KCNIP4: variants seen among roughly 807,000 people sequenced by gnomAD.
KCNIP4 encodes Kv channel-interacting protein 4.
A neutral mutation model predicts 34.0 loss-of-function variants in KCNIP4; 12 were observed. That is an observed-to-expected ratio of 0.35 (90% CI 0.23 to 0.57). The LOEUF is 0.57. Ranked by LOEUF, KCNIP4 falls within the 20% of genes least tolerant of loss-of-function variation. KCNIP4 has a pLI of 0.83. For synonymous variants in KCNIP4, 124 were observed against 102.2 expected, an observed-to-expected ratio of 1.21 and a Z score of -1.29; for missense variants, 238 against 311.7, an observed-to-expected ratio of 0.76 and a Z score of 1.78.
At chr4:21,088,950 A>G (rs766875707) in intron 1 of KCNIP4, among the ~76,000 whole-genome samples, 7 of 152,212 alleles carry the variant, frequency 4.6e-5, no homozygotes, top group Non-Finnish European at 1.0e-4. Flanking sequence ...TAGAAGCAAA[A>G]AACTTTTGTG....
At chr4:21,897,290 GT>G (rs1727449305) in intron 1 of KCNIP4, among the ~76,000 whole-genome samples, 1 of 151,988 alleles carries the variant, frequency 6.6e-6, no homozygotes, top group African/African-American at 2.4e-5. Context: ...TATTTCAGAA[GT>G]TCTAATAAGA....
chr4:21,692,607 G>A (rs1364440526), intron 1 of KCNIP4, among the ~76,000 whole-genome samples: 1 of 152,060 alleles, frequency 6.6e-6, no homozygotes, highest in Non-Finnish European at 1.5e-5. Context: ...GTGTAACATG[G>A]TGGTATTTTA....
intron 1 of KCNIP4, among the ~76,000 whole-genome samples, chr4:21,264,614 T>C (rs1200633412): frequency 1.3e-5 from 2 of 152,206 alleles, no homozygotes; most frequent in African/African-American, 2.4e-5. Context: ...TTAAATGACT[T>C]AATGTTTATA....
intron 2 of KCNIP4, among the ~76,000 whole-genome samples, chr4:20,874,322 G>A (rs570846917): frequency 1.2e-3 from 187 of 152,150 alleles, no homozygotes; most frequent in Non-Finnish European, 2.4e-3. Flanking sequence ...CTCTAGTTTT[G>A]CCTCTCACAG....
intron 1 of KCNIP4, among the ~76,000 whole-genome samples, chr4:21,707,661 A>G (rs1379563957): frequency 6.6e-6 from 1 of 152,058 alleles, no homozygotes; most frequent in East Asian, 1.9e-4. Flanking sequence ...TGAGAGTCAG[A>G]GACAGATGTT....
At position 21,851,857 on chromosome 4, in the gene KCNIP4, A is replaced by G. The variant is rs138971166; in HGVS notation, c.61+96714T>C. The G allele has an allele frequency of 3.3e-5, 5 of 152,290 alleles. No individual in the cohort carries two copies. In the East Asian group the frequency reaches 7.7e-4, roughly 24 times the overall value. 9.4% of individuals were successfully genotyped at this position (152,290 alleles called of 1,614,324 possible). A position where few individuals can be genotyped will look rare whatever the true frequency, so the allele number is the denominator to read the frequency against. On this transcript the variant is annotated intron_variant, in intron 1 of 8. Transcript: ENST00000382152. ...AAACACTGGCCAGGGGAGACTCTCA[A>G]GATACTGGAACCCTCGTCTCAGTTC... is the stretch of plus-strand genomic sequence containing the variant.
chr4:21,875,166 C>T (rs1009684461), intron 1 of KCNIP4, among the ~76,000 whole-genome samples: 1 of 152,114 alleles, frequency 6.6e-6, no homozygotes, highest in African/African-American at 2.4e-5. Context: ...GGTCACAGAG[C>T]TAGTCAGTAG....
intron 1 of KCNIP4, among the ~76,000 whole-genome samples, chr4:21,426,738 C>T (rs920238870): frequency 1.3e-4 from 19 of 151,328 alleles, no homozygotes; most frequent in Admixed American, 1.1e-3. Flanking sequence ...AGCCAGGTCA[C>T]GTTTTAAGCA....
chr4:20,815,169 A>G (rs894833748), intron 3 of KCNIP4, among the ~76,000 whole-genome samples: 1 of 152,204 alleles, frequency 6.6e-6, no homozygotes, highest in African/African-American at 2.4e-5. Context: ...CTGATAATTG[A>G]TCCTCAAAAT....
intron 1 of KCNIP4, among the ~76,000 whole-genome samples, chr4:21,187,591 T>C (rs994828990): frequency 1.3e-5 from 2 of 152,194 alleles, no homozygotes; most frequent in African/African-American, 4.8e-5. Context: ...ATTACTTGAA[T>C]GGGCAGAGGA....
chr4:21,693,537 T>C (rs925803750), intron 1 of KCNIP4, among the ~76,000 whole-genome samples: 1 of 152,124 alleles, frequency 6.6e-6, no homozygotes, highest in African/African-American at 2.4e-5. Flanking sequence ...CACTCCAGCC[T>C]GGGTGATAGA....
At chr4:21,349,772 T>C (rs1395483257) in intron 1 of KCNIP4, among the ~76,000 whole-genome samples, 1 of 152,032 alleles carries the variant, frequency 6.6e-6, no homozygotes, top group Non-Finnish European at 1.5e-5. Flanking sequence ...GAGCAACAAA[T>C]TGCAATGGAA....
chr4:21,370,852 C>T (rs71613272), intron 1 of KCNIP4, among the ~76,000 whole-genome samples: 794 of 23,204 alleles, frequency 0.034, 11 homozygotes, highest in Non-Finnish European at 0.048. Flanking sequence ...TATATATATA[C>T]ACACACACAC....
At chr4:20,748,944 A>T (rs923433261) in intron 5 of KCNIP4, among the ~76,000 whole-genome samples, 1 of 150,792 alleles carries the variant, frequency 6.6e-6, no homozygotes, top group Non-Finnish European at 1.5e-5. Flanking sequence ...CTATGTAAAT[A>T]TCTAGGACAT....
At chr4:21,247,767 A>G (rs1259388148) in intron 1 of KCNIP4, among the ~76,000 whole-genome samples, 1 of 62,182 alleles carries the variant, frequency 1.6e-5, no homozygotes, top group East Asian at 3.3e-4. Flanking sequence ...TATACACCCC[A>G]CAGGTGTTTT....
intron 1 of KCNIP4, among the ~76,000 whole-genome samples, chr4:20,916,985 TTATA>T (rs1157104290): frequency 2.2e-4 from 9 of 41,370 alleles, no homozygotes; most frequent in South Asian, 2.8e-3. Flanking sequence ...CATCTTATGT[TTATA>T]TATATATATA....
At chr4:21,359,663 C>T (rs1166085145) in intron 1 of KCNIP4, among the ~76,000 whole-genome samples, 1 of 152,060 alleles carries the variant, frequency 6.6e-6, no homozygotes, top group Non-Finnish European at 1.5e-5. Flanking sequence ...TTCTCTTAAA[C>T]TCATCTTTGA....
chr4:21,431,550 G>C (rs1359027419), intron 1 of KCNIP4, among the ~76,000 whole-genome samples: 3 of 152,018 alleles, frequency 2.0e-5, no homozygotes, highest in South Asian at 2.1e-4. Context: ...ATGTAGAACT[G>C]GTCTCCAAAG....
At chr4:21,582,297 C>A (rs1446598996) in intron 1 of KCNIP4, 1 of 151,834 alleles carries the variant, frequency 6.6e-6, no homozygotes, top group Non-Finnish European at 1.5e-5. Flanking sequence ...TAGCCACTGA[C>A]CCTGGTCACT....
Sources: allele counts gnomAD v4.1 joint callset (sites outside exome capture counted in the v4.1 genomes callset), GRCh38; gene constraint gnomAD v4.1.1; transcripts MANE v1.5; gene names NCBI Gene and HGNC (gene_info 2026-07-23, HGNC 2026-07-21).